The following MNS1 variants were observed in gnomAD, a reference collection of about 807,000 sequenced individuals.
MNS1 encodes the protein meiosis specific nuclear structural 1.
MNS1 carries 63 observed loss-of-function variants against 72.0 expected under a neutral mutation model. The ratio of observed to expected loss-of-function variants is 0.87; its 90% CI spans 0.71 to 1.08. MNS1 has a LOEUF of 1.08. MNS1 is among the 50% of genes least tolerant of loss of function. The pLI, the probability that MNS1 is intolerant of heterozygous loss-of-function variation, is 0.00. For missense variants in MNS1, 604 were observed against 562.4 expected, an observed-to-expected ratio of 1.07 and a Z score of -0.75; for synonymous variants, 188 against 172.1, an observed-to-expected ratio of 1.09 and a Z score of -0.72.
At chr15:56,463,782 A>C in intron 2 of MNS1, 1 of 264,090 alleles carries the variant, frequency 3.8e-6, no homozygotes, top group South Asian at 8.0e-5. Flanking sequence ...ACTCCATCCA[A>C]AAAAAAAAAA....
intron 3 of MNS1, among the ~76,000 whole-genome samples, chr15:56,454,019 A>C (rs11857374): frequency 0.32 from 48,960 of 152,008 alleles, 8,468 homozygotes; most frequent in Middle Eastern, 0.5. Flanking sequence ...TTTCTGCATG[A>C]CAGTGAAAAT....
Position 56,465,022 on chromosome 15 carries a change from C to G in MNS1, c.-50G>C. 1 of 1,595,404 alleles carries G rather than the reference C, an allele frequency of 6.3e-7. No individual in the cohort carries two copies. The highest frequency in any genetic ancestry group is 8.5e-7 in the Non-Finnish European group (1 of 1,172,466). On this transcript the variant is annotated 5_prime_UTR_variant, in exon 1 of 10. Transcript: ENST00000260453. Reference sequence around the variant, plus strand: ...CTCGTGGGACCGCGGCCACCACCTCCCGCCGCAAACGCAGCAGCCAGCAGC... The same window carrying G: ...CTCGTGGGACCGCGGCCACCACCTCGCGCCGCAAACGCAGCAGCCAGCAGC...
At chr15:56,448,734 A>G (rs959373023) in intron 3 of MNS1, among the ~76,000 whole-genome samples, 2 of 148,336 alleles carry the variant, frequency 1.3e-5, no homozygotes, top group Admixed American at 6.7e-5. Flanking sequence ...TGATTTGCTA[A>G]TTCTTATTTT....
chr15:56,460,010 ATACATATATATAT>A (rs1188546131), intron 2 of MNS1, among the ~76,000 whole-genome samples: 1 of 27,456 alleles, frequency 3.6e-5, no homozygotes, highest in African/African-American at 1.2e-4. Context: ...AAAAAAAAAA[ATACATATATATAT>A]ATATATATAT....
intron 3 of MNS1, among the ~76,000 whole-genome samples, chr15:56,455,633 A>G (rs2050977090): frequency 6.6e-6 from 1 of 152,208 alleles, no homozygotes. Context: ...CACTGTGACA[A>G]GGCTGTTCCT....
chr15:56,442,906 A>C (rs1319366882), intron 7 of MNS1, among the ~76,000 whole-genome samples: 1 of 151,810 alleles, frequency 6.6e-6, no homozygotes. Flanking sequence ...TGGAAAGAGA[A>C]AAAGAAAAAA....
chr15:56,447,154 T>A, intron 3 of MNS1: 1 of 428,502 alleles, frequency 2.3e-6, no homozygotes, highest in Non-Finnish European at 4.2e-6. Flanking sequence ...ACTGCTCTGT[T>A]CTATTACATT....
intron 4 of MNS1, among the ~76,000 whole-genome samples, chr15:56,446,227 T>C (rs994650125): frequency 3.3e-5 from 5 of 152,038 alleles, no homozygotes; most frequent in African/African-American, 1.2e-4. Flanking sequence ...TTGGCCCTTC[T>C]GTTTGATAAT....
At position 56,465,081 on chromosome 15, in the gene MNS1, T is replaced by G. The variant is rs371826550; in HGVS notation, c.-109A>C. On this transcript the variant is annotated 5_prime_UTR_variant, in exon 1 of 10. Coordinates refer to ENST00000260453, the MANE Select transcript of MNS1 (RefSeq NM_018365.4). Reference sequence around the variant, plus strand: ...GCGCACCTGGCTGCGCGCGCTCGGGTGTTTACGCGGCGTCTTGGCAACGGT... The same window carrying G: ...GCGCACCTGGCTGCGCGCGCTCGGGGGTTTACGCGGCGTCTTGGCAACGGT... The G allele has an allele frequency of 1.4e-6, 2 of 1,479,702 alleles. No homozygotes were observed. The highest frequency in any genetic ancestry group is 1.4e-5 in the African/African-American group (1 of 70,362). 91.7% of individuals were successfully genotyped at this position (1,479,702 alleles called of 1,614,324 possible). A position where few individuals can be genotyped will look rare whatever the true frequency, so the allele number is the denominator to read the frequency against.
intron 2 of MNS1, among the ~76,000 whole-genome samples, chr15:56,461,900 C>G (rs1392165512): frequency 1.3e-5 from 2 of 150,412 alleles, no homozygotes; most frequent in African/African-American, 4.9e-5. Flanking sequence ...CAATTCCTTA[C>G]TCTGAAAATT....
At position 56,444,594 on chromosome 15, in the gene MNS1, T is replaced by A. The variant is rs1256615388; in HGVS notation, c.536A>T (p.Lys179Ile). The change falls in exon 5 of 10, where the codon AAA becomes ATA. Residue 179 changes from lysine to isoleucine, a missense_variant. By Grantham distance (102) the Lys-to-Ile change is moderately radical. Coordinates refer to ENST00000260453, the MANE Select transcript of MNS1 (RefSeq NM_018365.4). ...GTACTGTGCTTTCGCTTTGTTTCGT[T>A]TGTCTTCTGCAGCATTCTCTTCCTT... Reference protein sequence around the residue: ...IIKEENAAEDKRNKAKAQYYL... With the variant: ...IIKEENAAEDIRNKAKAQYYL... The A allele has an allele frequency of 6.2e-7, 1 of 1,613,450 alleles. No homozygotes were observed. Among genetic ancestry groups the A allele is most frequent in the Non-Finnish European group, 8.5e-7 (1 of 1,179,624 alleles).
rs143846695 is a variant in MNS1, at chr15:56,443,962, G to A, written c.687-108C>T. On this transcript the variant is annotated intron_variant, in intron 5 of 9. Transcript: ENST00000260453. ...GAAAAACACTATAGTTTTTTCATTC[G>A]TGCATGCAACAAACATTTTGAATGC... 6.1e-4 allele frequency: 522 copies of A among 858,498 alleles called. 3 individuals carry two copies. The highest frequency in any genetic ancestry group is 5.5e-3 in the African/African-American group (323 of 58,298). The allele number at this position is 858,498 out of a possible 1,614,324, so 53.2% of individuals were successfully genotyped here.
chr15:56,440,189 A>G (rs886206125), intron 7 of MNS1, among the ~76,000 whole-genome samples: 1 of 152,206 alleles, frequency 6.6e-6, no homozygotes. Context: ...ATCATTAGTC[A>G]TCAGGAAAAT....
chr15:56,433,840 T>C (rs768943209), intron 8 of MNS1, among the ~76,000 whole-genome samples: 1 of 152,172 alleles, frequency 6.6e-6, no homozygotes, highest in Non-Finnish European at 1.5e-5. Context: ...CACATGTACA[T>C]GACATATTTA....
At chr15:56,438,631 A>C (rs914267679) in intron 7 of MNS1, among the ~76,000 whole-genome samples, 1 of 152,250 alleles carries the variant, frequency 6.6e-6, no homozygotes, top group Non-Finnish European at 1.5e-5. Flanking sequence ...AACAAAAGCC[A>C]AAATTGACAA....
intron 5 of MNS1, 43 bp downstream of exon 5, chr15:56,444,401 A>G: frequency 2.6e-6 from 4 of 1,529,310 alleles, no homozygotes; most frequent in Non-Finnish European, 3.6e-6. Context: ...TGATATATCT[A>G]AAGTAAACAT....
intron 8 of MNS1, among the ~76,000 whole-genome samples, chr15:56,432,098 T>C (rs1393454395): frequency 1.3e-5 from 2 of 152,182 alleles, no homozygotes; most frequent in African/African-American, 2.4e-5. Context: ...TCTATCTTAA[T>C]TCATCCATTC....
chr15:56,428,919 T>C lies in MNS1; in HGVS notation c.*182A>G. 1.9e-6 allele frequency: 1 copy of C among 535,930 alleles called. No individual in the cohort carries two copies. Among genetic ancestry groups the C allele is most frequent in the Non-Finnish European group, 3.2e-6 (1 of 308,206 alleles). The allele number at this position is 535,930 out of a possible 1,614,324, so 33.2% of individuals were successfully genotyped here. A position where few individuals can be genotyped will look rare whatever the true frequency, so the allele number is the denominator to read the frequency against. On this transcript the variant is annotated 3_prime_UTR_variant, in exon 10 of 10. Transcript: ENST00000260453. The stretch of plus-strand genomic sequence containing the variant: ...GATTTTGAAATTATCAGTACAAAAA[T>C]AACAGCTTGATTAAAATTAATTTGT...
At chr15:56,434,456 AAG>A in intron 7 of MNS1, 61 bp from the exon 8 acceptor site, 1 of 1,501,946 alleles carries the variant, frequency 6.7e-7, no homozygotes, top group Non-Finnish European at 9.0e-7. Context: ...TTTATAAGGA[AAG>A]AGTGATAGAG....
Sources: gnomAD v4.1 joint callset for allele counts (sites outside exome capture counted in the v4.1 genomes callset) on GRCh38, gnomAD v4.1.1 for gene constraint, MANE v1.5 for transcripts, NCBI Gene and HGNC (gene_info 2026-07-23, HGNC 2026-07-21) for gene names.